The following CYP4V2 variants were observed in gnomAD, a reference collection of about 807,000 sequenced individuals.
The protein encoded by CYP4V2 is cytochrome P450 family 4 subfamily V member 2, also known as cytochrome P450 4V2.
A neutral mutation model predicts 60.8 loss-of-function variants in CYP4V2; 55 were observed. That is an observed-to-expected ratio of 0.90 (90% CI 0.73 to 1.13). The LOEUF (loss-of-function observed/expected upper bound fraction) is 1.13. Among genes scored for constraint, CYP4V2 ranks in the 50% most tolerant of loss-of-function variants. CYP4V2 has a pLI of 0.00. For synonymous variants in CYP4V2, 239 were observed against 236.8 expected, an observed-to-expected ratio of 1.01 and a Z score of -0.08; for missense variants, 675 against 662.9, an observed-to-expected ratio of 1.02 and a Z score of -0.20.
intron 8 of CYP4V2, among the ~76,000 whole-genome samples, chr4:186,208,057 G>T (rs972338042): frequency 1.3e-5 from 2 of 151,396 alleles, no homozygotes; most frequent in African/African-American, 4.9e-5. Flanking sequence ...TGATCCACGT[G>T]TTCTTCTTTG....
At chr4:186,209,534 A>C (rs1193026507) in intron 10 of CYP4V2, among the ~76,000 whole-genome samples, 1 of 152,216 alleles carries the variant, frequency 6.6e-6, no homozygotes, top group African/African-American at 2.4e-5. Flanking sequence ...TTATTTTCTC[A>C]CAGTTCTGGA....
At position 186,197,020 on chromosome 4, in the gene CYP4V2, T is replaced by A; in HGVS notation, c.494T>A (p.Ile165Asn). Residue 165 changes from isoleucine (I) to asparagine (N), a missense_variant, in exon 4 of 11, where the codon ATC becomes AAC. Transcript: ENST00000378802. ...HFTILEDFLD[I>N]MNEQANILVK... ...ACCATTCTGGAAGATTTCTTAGATA[T>A]CATGAATGAACAAGCAAATATATTG... The A allele has an allele frequency of 1.2e-6, 2 of 1,613,872 alleles. No homozygotes were observed. The highest frequency in any genetic ancestry group is 1.1e-5 in the South Asian group (1 of 91,022).
In CYP4V2 at chr4:186,212,465, A is replaced by G. The variant is rs999239676; in HGVS notation, c.*1824A>G. The G allele has an allele frequency of 6.6e-6, 1 of 152,130 alleles. No individual in the cohort carries two copies. The highest frequency in any genetic ancestry group is 2.4e-5 in the African/African-American group (1 of 41,412). 9.4% of individuals were successfully genotyped at this position (152,130 alleles called of 1,614,324 possible). A position where few individuals can be genotyped will look rare whatever the true frequency, so the allele number is the denominator to read the frequency against. ...AGGCAATACATCTACCCACTCCATT[A>G]TTTTTTAAAACTTCATTTAATAGTT... On this transcript the variant is annotated 3_prime_UTR_variant, in exon 11 of 11. Coordinates refer to ENST00000378802, the MANE Select transcript of CYP4V2 (RefSeq NM_207352.4).
chr4:186,191,567 C>A lies in CYP4V2; in HGVS notation c.-257C>A. On this transcript the variant is annotated 5_prime_UTR_variant, in exon 1 of 11. Transcript: ENST00000378802. ...GCCCTGGGGCCCGGAAACCGTTTTC[C>A]GGTCTTTCGCTTTCGGCTGGGGCGT... 3.4e-6 allele frequency: 1 copy of A among 297,172 alleles called. No individual in the cohort carries two copies. Among genetic ancestry groups the A allele is most frequent in the Non-Finnish European group, 6.1e-6 (1 of 163,560 alleles). The allele number at this position is 297,172 out of a possible 1,614,324, so 18.4% of individuals were successfully genotyped here. A position where few individuals can be genotyped will look rare whatever the true frequency, so the allele number is the denominator to read the frequency against.
Position 186,209,003 on chromosome 4 carries a change from A to G in CYP4V2, c.1225+4A>G. On this transcript the variant is annotated splice_donor_region_variant and intron_variant, in intron 9 of 10. Coordinates refer to ENST00000378802, the MANE Select transcript of CYP4V2 (RefSeq NM_207352.4). ...GTTAGTGAAGATTGTGAAGTGGGTA[A>G]GTATGCTATACCTAAAGTAGAAGGG... 6.2e-7 allele frequency: 1 copy of G among 1,614,110 alleles called. No homozygotes were observed. The highest frequency in any genetic ancestry group is 8.5e-7 in the Non-Finnish European group (1 of 1,180,002).
At chr4:186,207,740 G>A (rs1736568140) in intron 8 of CYP4V2, among the ~76,000 whole-genome samples, 1 of 151,634 alleles carries the variant, frequency 6.6e-6, no homozygotes, top group South Asian at 2.1e-4. Context: ...ACCTAATTCC[G>A]GAACATTTTC....
At chr4:186,201,486 T>C (rs2126589951) in intron 7 of CYP4V2, 144 bp downstream of exon 7, 2 of 1,001,364 alleles carry the variant, frequency 2.0e-6, no homozygotes, top group South Asian at 3.5e-5. Context: ...ATTACAAAAT[T>C]TAAGAAACTG....
Position 186,208,877 on chromosome 4 carries a change from G to C in CYP4V2, c.1103G>C (p.Arg368Pro). Reference sequence around the variant, plus strand: ...TTGCTTTCATCAGGGAAGTCTGACCGTCCCGCTACAGTAGAAGACCTGAAG... The same window carrying C: ...TTGCTTTCATCAGGGAAGTCTGACCCTCCCGCTACAGTAGAAGACCTGAAG... ...ELDDVFGKSD[R>P]PATVEDLKKL... is the part of the protein sequence containing the mutation. The change falls in exon 9 of 11, where the codon CGT (arginine) becomes CCT (proline). Residue 368 changes from arginine (R) to proline (P), a missense_variant. Physicochemically the swap from Arg to Pro is moderately radical, Grantham distance 103. Transcript: ENST00000378802. The C allele has an allele frequency of 6.2e-7, 1 of 1,614,198 alleles. No homozygotes were observed. Among genetic ancestry groups the C allele is most frequent in the African/African-American group, 1.3e-5 (1 of 75,048 alleles).
intron 8 of CYP4V2, 149 bp from the exon 9 acceptor site, chr4:186,208,716 A>T: frequency 9.0e-7 from 1 of 1,111,934 alleles, no homozygotes; most frequent in Non-Finnish European, 1.3e-6. Context: ...GGTATTTAGC[A>T]TCCCCTGCCT....
intron 4 of CYP4V2, 34 bp from the exon 5 acceptor site, chr4:186,197,499 A>T: frequency 6.2e-7 from 1 of 1,604,974 alleles, no homozygotes; most frequent in African/African-American, 1.3e-5. Flanking sequence ...AACGTGCGTG[A>T]ATTGAATGGT....
intron 10 of CYP4V2, 106 bp from the exon 11 acceptor site, chr4:186,210,363 C>T (rs775583421): frequency 1.4e-6 from 2 of 1,442,094 alleles, no homozygotes; most frequent in African/African-American, 2.8e-5. Flanking sequence ...CTCCTTCCAC[C>T]TACTGCGAAA....
At chr4:186,206,193 CGCACGTGCAT>C (rs1195870493) in intron 8 of CYP4V2, among the ~76,000 whole-genome samples, 1 of 152,084 alleles carries the variant, frequency 6.6e-6, no homozygotes, top group Non-Finnish European at 1.5e-5. Flanking sequence ...AGTGTGTGCA[CGCACGTGCAT>C]GCATGTGTGG....
At chr4:186,208,516 G>GTTC (rs10664955) in intron 8 of CYP4V2, among the ~76,000 whole-genome samples, 134,926 of 150,406 alleles carry the variant, frequency 0.9, 60,516 homozygotes, top group East Asian at 0.94. Flanking sequence ...TGATCCACGT[G>GTTC]TTCTTTGATG....
chr4:186,209,057 C>T, intron 9 of CYP4V2, 36 bp from the exon 10 acceptor site: 1 of 1,614,088 alleles, frequency 6.2e-7, no homozygotes. Context: ...GTCTACCTTG[C>T]TCCGGTCTCA....
chr4:186,200,579 A>C (rs1294144457), intron 6 of CYP4V2, among the ~76,000 whole-genome samples: 1 of 152,198 alleles, frequency 6.6e-6, no homozygotes, highest in Admixed American at 6.5e-5. Context: ...CATTGTTAGG[A>C]GGCGTCGCAG....
Position 186,192,130 on chromosome 4 carries a change from C to T in CYP4V2, c.214+93C>T, listed in dbSNP as rs370158024. ...AGGAACCCGCTGCTTGTGGCGCTGGCCGCAGGAGAGAGGAGCCTGTCACCC... is the reference window on the plus strand; with the variant it reads ...AGGAACCCGCTGCTTGTGGCGCTGGTCGCAGGAGAGAGGAGCCTGTCACCC... On this transcript the variant is annotated intron_variant, in intron 1 of 10. Coordinates refer to ENST00000378802, the MANE Select transcript of CYP4V2 (RefSeq NM_207352.4). The T allele has an allele frequency of 1.4e-4, 199 of 1,465,588 alleles. No homozygotes were observed. In the African/African-American group the frequency reaches 2.2e-3, roughly 17 times the overall value. The allele number at this position is 1,465,588 out of a possible 1,614,324, so 90.8% of individuals were successfully genotyped here.
At chr4:186,199,534 A>C (rs1736249616) in intron 6 of CYP4V2, among the ~76,000 whole-genome samples, 1 of 152,212 alleles carries the variant, frequency 6.6e-6, no homozygotes, top group Admixed American at 6.5e-5. Context: ...ACAACATGTG[A>C]TATGAGCTGT....
chr4:186,201,494 C>G (rs1228670633), intron 7 of CYP4V2, 152 bp downstream of exon 7: 1 of 904,098 alleles, frequency 1.1e-6, no homozygotes, highest in African/African-American at 1.7e-5. Flanking sequence ...ATTTAAGAAA[C>G]TGATTAAGTA....
At chr4:186,200,695 A>G (rs1462652660) in intron 6 of CYP4V2, among the ~76,000 whole-genome samples, 3 of 152,280 alleles carry the variant, frequency 2.0e-5, no homozygotes, top group East Asian at 3.9e-4. Context: ...CTCTGAGGAA[A>G]GCATTTCAGG....
Sources: gnomAD v4.1 joint callset for allele counts (sites outside exome capture counted in the v4.1 genomes callset) on GRCh38, gnomAD v4.1.1 for gene constraint, MANE v1.5 for transcripts, NCBI Gene and HGNC (gene_info 2026-07-23, HGNC 2026-07-21) for gene names.